TSPAN7: variants seen among roughly 807,000 people sequenced by gnomAD.
The protein encoded by TSPAN7 is tetraspanin 7.
TSPAN7 carries 1 observed loss-of-function variant against 17.6 expected under a neutral mutation model. That is an observed-to-expected ratio of 0.06 (90% CI 0.02 to 0.27). The LOEUF (loss-of-function observed/expected upper bound fraction) is 0.27, where lower values mean the gene tolerates loss of function less well. TSPAN7 is among the 10% of genes least tolerant of loss of function. TSPAN7 has a pLI of 1.00. For synonymous variants in TSPAN7, 78 were observed against 79.0 expected, an observed-to-expected ratio of 0.99 and a Z score of 0.07; for missense variants, 112 against 201.7, an observed-to-expected ratio of 0.56 and a Z score of 2.69.
At chrX:38,648,538 C>G (rs2069657741) in intron 1 of TSPAN7, among the ~76,000 whole-genome samples, 1 of 112,294 alleles carries the variant, frequency 8.9e-6, no homozygotes, top group Non-Finnish European at 1.9e-5. Context: ...TAGCCTCAAA[C>G]TCCTGGGCTC....
intron 1 of TSPAN7, among the ~76,000 whole-genome samples, chrX:38,569,279 A>T (rs994092750): frequency 1.8e-5 from 2 of 111,179 alleles, no homozygotes; most frequent in Non-Finnish European, 3.8e-5. Context: ...CCTACAGAAG[A>T]ATCTTCTAAT....
chrX:38,657,951 G>T (rs758943080), intron 1 of TSPAN7, among the ~76,000 whole-genome samples: 1 of 111,331 alleles, frequency 9.0e-6, no homozygotes, highest in African/African-American at 3.3e-5. Flanking sequence ...TTAGACTCTG[G>T]CTATCTGATC....
chrX:38,652,132 G>T, intron 1 of TSPAN7, among the ~76,000 whole-genome samples: 1 of 111,549 alleles, frequency 9.0e-6, no homozygotes, highest in Non-Finnish European at 1.9e-5. Context: ...ATGACCTATC[G>T]CTTCCTTTGA....
chrX:38,661,431 G>A (rs1445671034), intron 1 of TSPAN7, among the ~76,000 whole-genome samples: 4 of 112,262 alleles, frequency 3.6e-5, no homozygotes, highest in Admixed American at 1.9e-4. Flanking sequence ...GTAGCTAGTG[G>A]TACTTTGCTA....
At chrX:38,565,783 A>G (rs1231802285) in intron 1 of TSPAN7, among the ~76,000 whole-genome samples, 1 of 111,957 alleles carries the variant, frequency 8.9e-6, no homozygotes, top group Non-Finnish European at 1.9e-5. Context: ...TCTCCTGTCT[A>G]TAATCACACT....
At chrX:38,623,500 T>C (rs2069501194) in intron 1 of TSPAN7, among the ~76,000 whole-genome samples, 1 of 109,639 alleles carries the variant, frequency 9.1e-6, no homozygotes, top group Admixed American at 9.6e-5. Context: ...TCTCTCCCCA[T>C]TCCCTTAATG....
Position 38,607,480 on chromosome X carries a change from G to A in TSPAN7, c.81+45853G>A, listed in dbSNP as rs138612122. Among the ~76,000 whole-genome samples the A allele has an allele frequency of 2.5e-4, 28 of 110,883 alleles. No homozygotes were observed. In the East Asian group the frequency reaches 6.8e-3, roughly 27 times the overall value. ...TAGTTTTCACTTAGGTGAGCCTCAA[G>A]CACCTGGAGAGCTAGTAAACATGCA... On this transcript the variant is annotated intron_variant, in intron 1 of 7. Coordinates refer to ENST00000378482, the MANE Select transcript of TSPAN7 (RefSeq NM_004615.4).
At chrX:38,571,281 AT>A (rs1190249640) in intron 1 of TSPAN7, among the ~76,000 whole-genome samples, 1 of 111,174 alleles carries the variant, frequency 9.0e-6, no homozygotes, top group Non-Finnish European at 1.9e-5. Context: ...CTGTTTGCCC[AT>A]AGAATTGCCT....
intron 1 of TSPAN7, among the ~76,000 whole-genome samples, chrX:38,611,165 GAA>G (rs1211129492): frequency 8.9e-6 from 1 of 112,362 alleles, no homozygotes; most frequent in Non-Finnish European, 1.9e-5. Flanking sequence ...TGAGAATTTG[GAA>G]AGAGTTTTTC....
At chrX:38,562,882 A>T (rs2069121446) in intron 1 of TSPAN7, 1 of 692,534 alleles carries the variant, frequency 1.4e-6, no homozygotes, top group South Asian at 3.1e-5. Flanking sequence ...CTCTGTAGGA[A>T]AAGCCAGTTC....
intron 1 of TSPAN7, among the ~76,000 whole-genome samples, chrX:38,639,441 A>AT (rs1281544028): frequency 9.8e-6 from 1 of 102,183 alleles, no homozygotes; most frequent in Non-Finnish European, 2.0e-5. Context: ...TGGTTCTTAT[A>AT]TTTTCCCTTC....
intron 2 of TSPAN7, among the ~76,000 whole-genome samples, chrX:38,670,273 TAAG>T (rs1231878855): frequency 8.9e-6 from 1 of 112,069 alleles, no homozygotes; most frequent in East Asian, 2.8e-4. Flanking sequence ...CATTTTGAAA[TAAG>T]AAGCAGATTG....
intron 1 of TSPAN7, among the ~76,000 whole-genome samples, chrX:38,568,317 G>A (rs1308531197): frequency 9.4e-6 from 1 of 106,900 alleles, no homozygotes; most frequent in Non-Finnish European, 1.9e-5. Context: ...TTTCATTTTG[G>A]TAGAGCAAGT....
chrX:38,631,502 T>A (rs1241787852), intron 1 of TSPAN7, among the ~76,000 whole-genome samples: 1 of 111,721 alleles, frequency 9.0e-6, no homozygotes, highest in African/African-American at 3.2e-5. Flanking sequence ...TCTGATCCTC[T>A]TATGCAAATT....
intron 1 of TSPAN7, among the ~76,000 whole-genome samples, chrX:38,605,757 C>T (rs2069377407): frequency 9.1e-6 from 1 of 110,197 alleles, no homozygotes; most frequent in Admixed American, 9.6e-5. Context: ...AATAACGCCG[C>T]ATATCTACAA....
At chrX:38,633,086 G>T (rs1184992075) in intron 1 of TSPAN7, among the ~76,000 whole-genome samples, 2 of 111,982 alleles carry the variant, frequency 1.8e-5, no homozygotes, top group Non-Finnish European at 3.8e-5. Context: ...CTTCTTTTTG[G>T]TCTTGGTTTT....
chrX:38,581,122 A>C (rs1287825214), intron 1 of TSPAN7, among the ~76,000 whole-genome samples: 1 of 112,298 alleles, frequency 8.9e-6, no homozygotes, highest in Non-Finnish European at 1.9e-5. Flanking sequence ...TCAAAACTTT[A>C]GTTTCTCAAG....
chrX:38,621,803 G>T (rs2147423782), intron 1 of TSPAN7, among the ~76,000 whole-genome samples: 1 of 112,335 alleles, frequency 8.9e-6, no homozygotes, highest in East Asian at 2.8e-4. Flanking sequence ...GCTGTCACTT[G>T]CGTTTCAGAA....
chrX:38,583,944 CTTTTCTTT>C (rs2069241459), intron 1 of TSPAN7, among the ~76,000 whole-genome samples: 1 of 88,466 alleles, frequency 1.1e-5, no homozygotes, highest in Admixed American at 1.2e-4. Flanking sequence ...TCTTTTTTTT[CTTTTCTTT>C]TTTTTTTTTT....
Sources: gnomAD v4.1 joint callset for allele counts (sites outside exome capture counted in the v4.1 genomes callset) on GRCh38, gnomAD v4.1.1 for gene constraint, MANE v1.5 for transcripts, NCBI Gene and HGNC (gene_info 2026-07-23, HGNC 2026-07-21) for gene names.